The following GPRASP3 variants were observed in gnomAD, a reference collection of about 807,000 sequenced individuals.
The protein encoded by GPRASP3 is G protein-coupled receptor associated sorting protein family member 3.
the GPRASP3 span, chrX:102,745,882 T>G: frequency 3.6e-5 from 4 of 111,388 alleles, no homozygotes; most frequent in African/African-American, 6.5e-5. Context: ...AGGCTGGGGC[T>G]CGTCATGGCC....
At chrX:102,730,066 T>G in the GPRASP3 span, among the ~76,000 whole-genome samples, 359 of 112,022 alleles carry the variant, frequency 3.2e-3, 2 homozygotes, top group African/African-American at 0.011. Flanking sequence ...TTGTAATAGA[T>G]AATGAAATAA....
the GPRASP3 span, among the ~76,000 whole-genome samples, chrX:102,739,810 C>T: frequency 1.8e-5 from 2 of 111,659 alleles, no homozygotes; most frequent in African/African-American, 3.3e-5. Context: ...GAATGTCACC[C>T]GAGATAGTAA....
chrX:102,736,771 T>C, the GPRASP3 span, among the ~76,000 whole-genome samples: 4 of 112,052 alleles, frequency 3.6e-5, no homozygotes, highest in African/African-American at 1.3e-4. Flanking sequence ...TGTGCAAGTA[T>C]TCCTCCATAA....
chrX:102,748,907 AC>A, the GPRASP3 span: 1 of 966,285 alleles, frequency 1.0e-6, no homozygotes, highest in Non-Finnish European at 1.4e-6. Context: ...TTTTTCCCCG[AC>A]CCAGTGAAAG....
chrX:102,739,569 A>G, the GPRASP3 span, among the ~76,000 whole-genome samples: 1 of 111,780 alleles, frequency 8.9e-6, no homozygotes, highest in Non-Finnish European at 1.9e-5. Context: ...GCCTGGGGTA[A>G]GAATTTCTCC....
At chrX:102,744,426 C>T in the GPRASP3 span, among the ~76,000 whole-genome samples, 1 of 111,559 alleles carries the variant, frequency 9.0e-6, no homozygotes, top group African/African-American at 3.3e-5. Flanking sequence ...AAGGACAAAG[C>T]CAATAAGAAC....
At chrX:102,749,442 G>C in the GPRASP3 span, 1 of 1,212,061 alleles carries the variant, frequency 8.3e-7, no homozygotes, top group African/African-American at 1.7e-5. Context: ...TCTGTGCTGA[G>C]GAGTTGGAAC....
the GPRASP3 span, among the ~76,000 whole-genome samples, chrX:102,731,282 A>G: frequency 8.9e-6 from 1 of 112,452 alleles, no homozygotes; most frequent in South Asian, 3.7e-4. Flanking sequence ...TACAAAGCAG[A>G]AAAAGAGACC....
chrX:102,746,852 G>T, the GPRASP3 span, among the ~76,000 whole-genome samples: 2 of 112,607 alleles, frequency 1.8e-5, no homozygotes, highest in Non-Finnish European at 3.8e-5. Context: ...ATCCAGTTTT[G>T]TGCAAGCAAA....
chrX:102,731,108 C>G, the GPRASP3 span, among the ~76,000 whole-genome samples: 1 of 112,449 alleles, frequency 8.9e-6, no homozygotes, highest in Admixed American at 9.4e-5. Context: ...AACATCCAAC[C>G]ACAGATCCAG....
the GPRASP3 span, among the ~76,000 whole-genome samples, chrX:102,745,675 CA>C: frequency 1.2e-4 from 13 of 111,316 alleles, no homozygotes; most frequent in Admixed American, 1.1e-3. Context: ...GCAGACACAC[CA>C]AGGGGCGGTT....
the GPRASP3 span, among the ~76,000 whole-genome samples, chrX:102,729,542 G>A: frequency 1.8e-5 from 2 of 112,314 alleles, no homozygotes; most frequent in Non-Finnish European, 3.8e-5. Context: ...CTCTCCCTGA[G>A]AAGAATATTT....
the GPRASP3 span, among the ~76,000 whole-genome samples, chrX:102,736,681 T>G: frequency 9.0e-6 from 1 of 111,562 alleles, no homozygotes; most frequent in African/African-American, 3.3e-5. Context: ...CCATTCCCCA[T>G]GGGAATCTTA....
chrX:102,747,246 G>A, the GPRASP3 span, among the ~76,000 whole-genome samples: 1 of 112,274 alleles, frequency 8.9e-6, no homozygotes, highest in South Asian at 3.7e-4. Flanking sequence ...AAAAGGAGGT[G>A]TTAGAATCCG....
chrX:102,728,136 A>G, the GPRASP3 span, among the ~76,000 whole-genome samples: 182 of 112,038 alleles, frequency 1.6e-3, no homozygotes, highest in Middle Eastern at 4.6e-3. Context: ...TGGTGGTGGT[A>G]GTGACATAGA....
chrX:102,736,014 A>G, the GPRASP3 span, among the ~76,000 whole-genome samples: 4 of 112,178 alleles, frequency 3.6e-5, no homozygotes, highest in African/African-American at 1.3e-4. Context: ...GACACCAGAC[A>G]GAAGTGCAGA....
chrX:102,724,880 C>T, the GPRASP3 span, among the ~76,000 whole-genome samples: 4 of 110,628 alleles, frequency 3.6e-5, no homozygotes, highest in African/African-American at 1.3e-4. Flanking sequence ...GTTCCTTCTC[C>T]CTTTTTTGAT....
At chrX:102,728,853 T>A in the GPRASP3 span, among the ~76,000 whole-genome samples, 1 of 110,892 alleles carries the variant, frequency 9.0e-6, no homozygotes. Flanking sequence ...CAGAAAAAAA[T>A]CTGAACAAAC....
the GPRASP3 span, among the ~76,000 whole-genome samples, chrX:102,723,518 G>C: frequency 8.9e-6 from 1 of 111,908 alleles, no homozygotes; most frequent in Middle Eastern, 4.6e-3. Flanking sequence ...TTCTACTCAA[G>C]CTGTCTTGTC....
Sources: gnomAD v4.1 joint callset for allele counts (sites outside exome capture counted in the v4.1 genomes callset) on GRCh38, gnomAD v4.1.1 for gene constraint, MANE v1.5 for transcripts, NCBI Gene and HGNC (gene_info 2026-07-23, HGNC 2026-07-21) for gene names.